The following MCTP1 variants were observed in gnomAD, a reference collection of about 807,000 sequenced individuals.
MCTP1 encodes the protein multiple C2 and transmembrane domain-containing protein 1.
MCTP1 carries 69 observed loss-of-function variants against 120.6 expected under a neutral mutation model. The ratio of observed to expected loss-of-function variants is 0.57; its 90% confidence interval spans 0.47 to 0.70. MCTP1 has a LOEUF of 0.70. MCTP1 is among the 30% of genes least tolerant of loss of function. The probability of loss-of-function intolerance (pLI) is 0.00; values close to 1 mark genes in which losing one functional copy is unlikely to be tolerated. For missense variants in MCTP1, 1,203 were observed against 1,248.8 expected (o/e 0.96, Z 0.55); for synonymous variants, 529 against 493.1 (o/e 1.07, Z -0.96).
intron 1 of MCTP1, among the ~76,000 whole-genome samples, chr5:95,179,154 CA>C (rs1278565690): frequency 2.6e-5 from 4 of 152,132 alleles, no homozygotes; most frequent in Non-Finnish European, 4.4e-5. Context: ...TAAAAATGAA[CA>C]AAGCCTCCAA....
chr5:94,794,967 G>C (rs1362589550), intron 18 of MCTP1, among the ~76,000 whole-genome samples: 1 of 152,178 alleles, frequency 6.6e-6, no homozygotes, highest in Non-Finnish European at 1.5e-5. Flanking sequence ...TGATTGACTG[G>C]TGGTTCGGAG....
intron 18 of MCTP1, among the ~76,000 whole-genome samples, chr5:94,790,324 G>A (rs1270712340): frequency 6.6e-6 from 1 of 152,218 alleles, no homozygotes; most frequent in Non-Finnish European, 1.5e-5. Flanking sequence ...GAGGCCACAG[G>A]GAGCTCAACC....
chr5:94,932,852 T>C (rs1815151573), intron 5 of MCTP1, among the ~76,000 whole-genome samples: 2 of 151,972 alleles, frequency 1.3e-5, no homozygotes, highest in Admixed American at 6.6e-5. Context: ...TATTTGTGTA[T>C]CAGGGAAATG....
chr5:95,251,709 G>A (rs1757398277), intron 1 of MCTP1, among the ~76,000 whole-genome samples: 1 of 152,064 alleles, frequency 6.6e-6, no homozygotes, highest in Non-Finnish European at 1.5e-5. Context: ...GTAATAATAA[G>A]TAATATATGG....
intron 1 of MCTP1, among the ~76,000 whole-genome samples, chr5:95,224,254 A>T (rs903218864): frequency 2.0e-5 from 3 of 152,202 alleles, no homozygotes; most frequent in African/African-American, 7.2e-5. Context: ...AGCTTCTTAT[A>T]TACCCACAGA....
intron 1 of MCTP1, among the ~76,000 whole-genome samples, chr5:95,183,208 CA>C (rs1355174887): frequency 6.6e-6 from 1 of 151,804 alleles, no homozygotes; most frequent in Admixed American, 6.6e-5. Context: ...ATAGTGGTCT[CA>C]AAAAATTATG....
At chr5:95,242,292 C>G (rs2152681344) in intron 1 of MCTP1, among the ~76,000 whole-genome samples, 1 of 152,162 alleles carries the variant, frequency 6.6e-6, no homozygotes, top group South Asian at 2.1e-4. Flanking sequence ...AAGTGGAAAA[C>G]TATTATCCAA....
intron 19 of MCTP1, among the ~76,000 whole-genome samples, chr5:94,733,863 C>CT (rs954676014): frequency 3.3e-5 from 5 of 151,346 alleles, no homozygotes; most frequent in Non-Finnish European, 7.4e-5. Flanking sequence ...ACCCGGGAGG[C>CT]TGAGGCAGGA....
At chr5:95,059,645 T>C (rs760203150) in intron 1 of MCTP1, among the ~76,000 whole-genome samples, 7 of 151,912 alleles carry the variant, frequency 4.6e-5, no homozygotes, top group Non-Finnish European at 7.4e-5. Context: ...GAAATCTCAG[T>C]TGAGTCAGTT....
chr5:95,010,636 G>A (rs1482658647), intron 2 of MCTP1, among the ~76,000 whole-genome samples: 4 of 152,116 alleles, frequency 2.6e-5, no homozygotes, highest in African/African-American at 7.2e-5. Flanking sequence ...AAGTACACTA[G>A]TGAAGCTGGA....
At chr5:95,164,300 CA>C (rs35180901) in intron 1 of MCTP1, among the ~76,000 whole-genome samples, 73 of 150,628 alleles carry the variant, frequency 4.8e-4, no homozygotes, top group African/African-American at 1.4e-3. Flanking sequence ...TTATTCACAT[CA>C]AAAAAAAAGG....
chr5:95,044,777 G>T (rs945749263), intron 1 of MCTP1, among the ~76,000 whole-genome samples: 1 of 151,660 alleles, frequency 6.6e-6, no homozygotes, highest in African/African-American at 2.4e-5. Context: ...CTTGCAAAAC[G>T]TGTCTTCACT....
intron 1 of MCTP1, among the ~76,000 whole-genome samples, chr5:95,228,932 G>A (rs1001041989): frequency 2.0e-5 from 3 of 152,188 alleles, no homozygotes; most frequent in African/African-American, 7.2e-5. Flanking sequence ...TGTACAGCGT[G>A]AAGAACTGTG....
chr5:95,057,766 C>G (rs1747810041), intron 1 of MCTP1, among the ~76,000 whole-genome samples: 1 of 152,126 alleles, frequency 6.6e-6, no homozygotes, highest in Admixed American at 6.6e-5. Context: ...ACAAATGCAG[C>G]TCTCTGAGCT....
chr5:95,077,096 C>T (rs1342981537), intron 1 of MCTP1, among the ~76,000 whole-genome samples: 1 of 152,054 alleles, frequency 6.6e-6, no homozygotes, highest in African/African-American at 2.4e-5. Context: ...ATTTTGATTC[C>T]CAGACTCTTA....
At chr5:94,876,938 G>A (rs181563544) in intron 12 of MCTP1, among the ~76,000 whole-genome samples, 3 of 152,194 alleles carry the variant, frequency 2.0e-5, no homozygotes, top group Admixed American at 6.5e-5. Flanking sequence ...TTAAGACATA[G>A]TCCAGCTCTC....
chr5:94,713,098 ATTAT>A (rs966202461), intron 20 of MCTP1, among the ~76,000 whole-genome samples: 32 of 152,260 alleles, frequency 2.1e-4, no homozygotes, highest in East Asian at 9.7e-4. Flanking sequence ...TTCTGGAATG[ATTAT>A]TTAGTAACAA....
At chr5:95,261,057 A>G (rs776881381) in intron 1 of MCTP1, among the ~76,000 whole-genome samples, 7 of 152,206 alleles carry the variant, frequency 4.6e-5, no homozygotes, top group Non-Finnish European at 8.8e-5. Flanking sequence ...TTAGACTGTG[A>G]AACTTTTCCG....
intron 2 of MCTP1, among the ~76,000 whole-genome samples, chr5:95,008,830 A>T (rs1158308112): frequency 6.6e-6 from 1 of 152,114 alleles, no homozygotes; most frequent in Admixed American, 6.6e-5. Flanking sequence ...ATGCATCTAT[A>T]AGCCAAGAAA....
Sources: allele counts gnomAD v4.1 joint callset (sites outside exome capture counted in the v4.1 genomes callset), GRCh38; gene constraint gnomAD v4.1.1; transcripts MANE v1.5; gene names NCBI Gene and HGNC (gene_info 2026-07-23, HGNC 2026-07-21).